Variants in VWF observed in about 807,000 individuals in gnomAD.
VWF encodes the protein von Willebrand factor.
VWF carries 176 observed loss-of-function variants against 308.6 expected under a neutral mutation model. That is an observed-to-expected ratio of 0.57 (90% CI 0.50 to 0.65). The LOEUF is 0.65. VWF is among the 30% of genes least tolerant of loss of function. The probability of loss-of-function intolerance (pLI) is 0.00; values close to 1 mark genes in which losing one functional copy is unlikely to be tolerated. For synonymous variants in VWF, 1,385 were observed against 1,443.4 expected (o/e 0.96, Z 0.92); for missense variants, 3,146 against 3,648.2 (o/e 0.86, Z 3.55).
Position 5,969,337 on chromosome 12 carries a change from G to A in VWF, c.7603C>T (p.Arg2535Ter), listed in dbSNP as rs61751296. The change falls in exon 45 of 52, where the codon CGA (arginine) becomes TGA (stop). Residue 2535 changes from arginine to a stop codon, truncating the protein, a stop_gained. Coordinates refer to ENST00000261405, the MANE Select transcript of VWF (RefSeq NM_000552.5). LOFTEE classifies it high-confidence loss of function. ...TGTATAAAGACCTCCTCCTTCACTC[G>A]GACACACTCATTGATGAGGCAGGGG... ...ENPCLINECV[R>*]VKEEVFIQQR... 2.6e-5 allele frequency: 42 copies of A among 1,614,194 alleles called. No homozygotes were observed. The highest frequency in any genetic ancestry group is 3.4e-5 in the Non-Finnish European group (40 of 1,180,020).
chr12:6,051,005 G>A (rs2136447639), intron 16 of VWF, among the ~76,000 whole-genome samples: 1 of 147,382 alleles, frequency 6.8e-6, no homozygotes, highest in South Asian at 2.3e-4. Flanking sequence ...ACGTTATTAA[G>A]GAATTATTGT....
chr12:6,115,117 C>A (rs1344477420), intron 3 of VWF, among the ~76,000 whole-genome samples: 1 of 152,178 alleles, frequency 6.6e-6, no homozygotes, highest in African/African-American at 2.4e-5. Flanking sequence ...GCTCACTTCA[C>A]CCTCGAACTC....
intron 3 of VWF, among the ~76,000 whole-genome samples, chr12:6,115,340 G>A (rs1433238520): frequency 6.6e-6 from 1 of 152,178 alleles, no homozygotes; most frequent in Non-Finnish European, 1.5e-5. Context: ...TGTCCAGCCT[G>A]GCAATGAGAT....
At chr12:6,049,548 T>C (rs745410481) in intron 16 of VWF, among the ~76,000 whole-genome samples, 8 of 152,232 alleles carry the variant, frequency 5.3e-5, no homozygotes, top group African/African-American at 7.2e-5. Flanking sequence ...CACCATGACC[T>C]TCTGATCCCC....
chr12:6,021,587 A>T (rs959982376), intron 27 of VWF: 2 of 341,020 alleles, frequency 5.9e-6, no homozygotes, highest in Non-Finnish European at 1.1e-5. Context: ...ACAATAAGTG[A>T]CCATACCCCC....
intron 5 of VWF, among the ~76,000 whole-genome samples, chr12:6,109,012 A>T (rs1246399194): frequency 6.6e-6 from 1 of 152,064 alleles, no homozygotes; most frequent in East Asian, 1.9e-4. Context: ...CAAACTTTTG[A>T]ATTTGTAAAT....
intron 45 of VWF, 33 bp from the exon 46 acceptor site, chr12:5,968,200 G>A (rs755080003): frequency 1.2e-6 from 2 of 1,613,406 alleles, no homozygotes; most frequent in African/African-American, 1.3e-5. Flanking sequence ...GTGAGAGTGG[G>A]CAAAACACAC....
rs549920507 is a variant in VWF, at chr12:5,983,748, CAGAT to C, written c.6977-498_6977-495del. Among the ~76,000 whole-genome samples the C allele has an allele frequency of 4.5e-4, 66 of 146,044 alleles. No homozygotes were observed. In the East Asian group the frequency reaches 6.2e-3, roughly 14 times the overall value. Reference sequence around the variant, plus strand: ...ACACAGGTTAGATAGATTAGACAGACAGATAGATACATACATAGATATAGGATAG... The same window carrying C: ...ACACAGGTTAGATAGATTAGACAGACAGATACATACATAGATATAGGATAG... On this transcript the variant is annotated intron_variant, in intron 40 of 51. Coordinates refer to ENST00000261405, the MANE Select transcript of VWF (RefSeq NM_000552.5).
intron 47 of VWF, among the ~76,000 whole-genome samples, chr12:5,963,940 G>T (rs1185706130): frequency 3.9e-5 from 6 of 152,196 alleles, no homozygotes. Flanking sequence ...AGGCGCAGTG[G>T]CTCACGCCTG....
intron 51 of VWF, 93 bp from the exon 52 acceptor site, chr12:5,949,296 C>T: frequency 2.2e-6 from 3 of 1,365,668 alleles, no homozygotes; most frequent in Non-Finnish European, 3.1e-6. Context: ...TCCCTGACCC[C>T]CTCCAAGCAA....
rs748259003 is a variant in VWF at position 5,949,812 on chromosome 12, C to T, written c.8227G>A (p.Val2743Ile). ...TGGCAGTAGTGGATATCCACCTCTACTTCAGACTTACAGCTTCCCACCTTG... is the reference window on the plus strand; with the variant it reads ...TGGCAGTAGTGGATATCCACCTCTATTTCAGACTTACAGCTTCCCACCTTG... ...YVKVGSCKSE[V>I]EVDIHYCQGK... The change falls in exon 51 of 52, where the codon GTA (valine) becomes ATA (isoleucine). Residue 2743 changes from valine to isoleucine, a missense_variant. Physicochemically the swap from Val to Ile is conservative, Grantham distance 29. This residue lies in a region of VWF where 989 missense variants were observed against 1,117.4 expected (regional missense o/e 0.89). Transcript: ENST00000261405. The T allele has an allele frequency of 1.2e-6, 2 of 1,614,216 alleles. No homozygotes were observed. The highest frequency in any genetic ancestry group is 4.5e-5 in the East Asian group (2 of 44,886).
At chr12:6,003,501 A>G (rs1382528710) in intron 34 of VWF, among the ~76,000 whole-genome samples, 8 of 150,698 alleles carry the variant, frequency 5.3e-5, no homozygotes. Context: ...GGGAGTTAAA[A>G]TGTTTCACTA....
Position 6,029,353 on chromosome 12 carries a change from G to T in VWF, c.2956C>A (p.Gln986Lys). The T allele has an allele frequency of 1.2e-6, 2 of 1,614,120 alleles. No individual in the cohort carries two copies. The highest frequency in any genetic ancestry group is 1.7e-6 in the Non-Finnish European group (2 of 1,180,044). The change falls in exon 22 of 52, where the codon CAG becomes AAG. Residue 986 changes from glutamine to lysine, a missense_variant. By Grantham distance (53) the Gln-to-Lys change is moderately conservative (BLOSUM62 1). Coordinates refer to ENST00000261405, the MANE Select transcript of VWF (RefSeq NM_000552.5). ...RHLSISVVLK[Q>K]TYQEKVCGLC... ...AGAAAGCCACTGACCTGGTATGTCT[G>T]CTTCAGGACCACGGAGATGCTCAGG...
At chr12:6,110,736 C>G in intron 4 of VWF, 130 bp downstream of exon 4, 1 of 1,307,964 alleles carries the variant, frequency 7.6e-7, no homozygotes, top group Non-Finnish European at 1.1e-6. Context: ...TGGCTCTCAC[C>G]CAGCCCTGCT....
intron 47 of VWF, among the ~76,000 whole-genome samples, chr12:5,961,499 T>C (rs1346080757): frequency 6.7e-6 from 1 of 149,524 alleles, no homozygotes; most frequent in Admixed American, 6.7e-5. Context: ...AAACAGAATG[T>C]ATAAAGATTT....
At chr12:5,993,426 G>T (rs1372879021) in intron 37 of VWF, among the ~76,000 whole-genome samples, 1 of 152,094 alleles carries the variant, frequency 6.6e-6, no homozygotes, top group African/African-American at 2.4e-5. Context: ...GCTCAGGCAT[G>T]GACTACACTG....
rs773426144 is a variant in VWF, at chr12:5,971,695, A to T, written c.7452T>A (p.Val2484=). The T allele has an allele frequency of 2.5e-6, 4 of 1,614,194 alleles. No individual in the cohort carries two copies. Among genetic ancestry groups the T allele is most frequent in the Non-Finnish European group, 8.5e-7 (1 of 1,180,034 alleles). The change falls in exon 44 of 52, where the codon GTT becomes GTA. Residue 2484 remains valine (V), a synonymous_variant. Coordinates refer to ENST00000261405, the MANE Select transcript of VWF (RefSeq NM_000552.5). The part of the protein sequence containing the change: ...EDSCRSGFTY[V]LHEGECCGRC... ...TTCCACAGCACTCGCCTTCATGCAGAACGTAAGTGAAGCCCTGGAAAAGCA... is the reference window on the plus strand; with the variant it reads ...TTCCACAGCACTCGCCTTCATGCAGTACGTAAGTGAAGCCCTGGAAAAGCA...
At chr12:6,062,316 C>T (rs760200689) in intron 13 of VWF, among the ~76,000 whole-genome samples, 1 of 152,042 alleles carries the variant, frequency 6.6e-6, no homozygotes, top group Non-Finnish European at 1.5e-5. Context: ...TCTATCCTAG[C>T]CCTGGAAGTT....
rs1944086067 is a variant in VWF, at chr12:6,018,375, G to A, written c.5043C>T (p.Ser1681=). 1 of 1,611,024 alleles carries A rather than the reference G, an allele frequency of 6.2e-7. No homozygotes were observed. The highest frequency in any genetic ancestry group is 1.7e-5 in the Admixed American group (1 of 59,954). Residue 1681 remains serine, a synonymous_variant, in exon 28 of 52, where the codon TCC becomes TCT. Coordinates refer to ENST00000261405, the MANE Select transcript of VWF (RefSeq NM_000552.5). ...SGEGLQIPTL[S]PAPDCSQPLD... ...AAGGTGCCAGCATACCAGGTGCAGGGGAGAGGGTGGGGATCTGCAGCCCCT... is the reference window on the plus strand; with the variant it reads ...AAGGTGCCAGCATACCAGGTGCAGGAGAGAGGGTGGGGATCTGCAGCCCCT...
Sources: allele counts gnomAD v4.1 joint callset (sites outside exome capture counted in the v4.1 genomes callset), GRCh38; gene constraint gnomAD v4.1.1; regional missense constraint gnomAD v4.1.1; transcripts MANE v1.5; gene names NCBI Gene and HGNC (gene_info 2026-07-23, HGNC 2026-07-21).